Variants in ATP10B observed in about 807,000 individuals in gnomAD.
The protein encoded by ATP10B is ATPase phospholipid transporting 10B (putative).
A neutral mutation model predicts 141.2 loss-of-function variants in ATP10B; 122 were observed. The ratio of observed to expected loss-of-function variants is 0.86; its 90% CI spans 0.75 to 1.00. ATP10B has a LOEUF of 1.00. Ranked by LOEUF, ATP10B falls within the 50% of genes least tolerant of loss-of-function variation. The pLI, the probability that ATP10B is intolerant of heterozygous loss-of-function variation, is 0.00. For synonymous variants in ATP10B, 685 were observed against 692.0 expected, an observed-to-expected ratio of 0.99 and a Z score of 0.16; for missense variants, 1,876 against 1,825.3, an observed-to-expected ratio of 1.03 and a Z score of -0.51.
the ATP10B span, among the ~76,000 whole-genome samples, chr5:160,893,973 TAACA>T: frequency 6.6e-6 from 1 of 151,976 alleles, no homozygotes; most frequent in Admixed American, 6.5e-5. Context: ...GAAGGAAACC[TAACA>T]AACAGAAAGG....
intron 2 of ATP10B, among the ~76,000 whole-genome samples, chr5:160,781,512 G>C (rs1239031312): frequency 6.6e-6 from 1 of 152,116 alleles, no homozygotes; most frequent in African/African-American, 2.4e-5. Flanking sequence ...CACCCTTGCT[G>C]CTCTGGGAAG....
chr5:160,665,243 T>A (rs1184259056), intron 7 of ATP10B, among the ~76,000 whole-genome samples: 2 of 152,252 alleles, frequency 1.3e-5, no homozygotes, highest in African/African-American at 4.8e-5. Flanking sequence ...TGCAATGTCA[T>A]GGGAGAAAGA....
chr5:160,801,461 A>G (rs1772365129), intron 1 of ATP10B, among the ~76,000 whole-genome samples: 1 of 152,182 alleles, frequency 6.6e-6, no homozygotes. Context: ...AATGGCAATC[A>G]CATATTTATT....
intron 22 of ATP10B, among the ~76,000 whole-genome samples, chr5:160,594,392 T>A (rs1444978914): frequency 6.6e-6 from 1 of 152,084 alleles, no homozygotes; most frequent in Non-Finnish European, 1.5e-5. Flanking sequence ...AAGGAAGCAC[T>A]AAACATGGAA....
In ATP10B at chr5:160,852,053, A is replaced by G. The variant is rs367854780; in HGVS notation, c.-688T>C. On this transcript the variant is annotated 5_prime_UTR_variant, in exon 1 of 26. Coordinates refer to ENST00000327245, the MANE Select transcript of ATP10B (RefSeq NM_025153.3). ...CTAAAATAGTTCTCTTTCCTATGGA[A>G]TTTTTCATTTTTCTGATTATATCTG... The G allele has an allele frequency of 1.3e-5, 2 of 152,286 alleles. No homozygotes were observed. Among genetic ancestry groups the G allele is most frequent in the South Asian group, 4.1e-4 (2 of 4,824 alleles). 9.4% of individuals were successfully genotyped at this position (152,286 alleles called of 1,614,324 possible).
intron 24 of ATP10B, among the ~76,000 whole-genome samples, chr5:160,573,080 G>T (rs1182791616): frequency 6.6e-6 from 1 of 152,158 alleles, no homozygotes; most frequent in Non-Finnish European, 1.5e-5. Context: ...CTACTCCCAA[G>T]TTAGTAATGT....
chr5:160,641,471 C>T (rs1759861268), intron 9 of ATP10B, among the ~76,000 whole-genome samples: 1 of 152,214 alleles, frequency 6.6e-6, no homozygotes, highest in African/African-American at 2.4e-5. Context: ...AACTACCAAT[C>T]TCACCCAGTC....
chr5:160,787,707 G>C (rs906625604), intron 1 of ATP10B, among the ~76,000 whole-genome samples: 1 of 152,132 alleles, frequency 6.6e-6, no homozygotes, highest in African/African-American at 2.4e-5. Context: ...GGTGGAATCA[G>C]CTAGGCACTG....
the ATP10B span, among the ~76,000 whole-genome samples, chr5:160,869,443 A>T: frequency 6.5e-3 from 983 of 152,204 alleles, 16 homozygotes; most frequent in African/African-American, 0.023. Flanking sequence ...ACAAAAAAAA[A>T]ATAGTCCTAT....
At chr5:160,616,570 A>G (rs1482882155) in intron 16 of ATP10B, among the ~76,000 whole-genome samples, 6 of 152,240 alleles carry the variant, frequency 3.9e-5, no homozygotes, top group African/African-American at 7.2e-5. Context: ...GGTGTCATAC[A>G]CATGGAGTGC....
intron 7 of ATP10B, among the ~76,000 whole-genome samples, chr5:160,662,593 A>T (rs1762016481): frequency 6.6e-6 from 1 of 152,254 alleles, no homozygotes; most frequent in Admixed American, 6.5e-5. Context: ...GGCTAGCCAT[A>T]TGTAGAAAGC....
chr5:160,771,923 C>T (rs1345510314), intron 2 of ATP10B, among the ~76,000 whole-genome samples: 1 of 152,176 alleles, frequency 6.6e-6, no homozygotes, highest in Non-Finnish European at 1.5e-5. Flanking sequence ...ATTTAAGGTC[C>T]CAAAGCAGTT....
chr5:160,747,771 A>G (rs1187120274), intron 2 of ATP10B, among the ~76,000 whole-genome samples: 1 of 152,178 alleles, frequency 6.6e-6, no homozygotes, highest in Non-Finnish European at 1.5e-5. Context: ...TTTGTTACAG[A>G]GGCCCTAGGA....
intron 24 of ATP10B, among the ~76,000 whole-genome samples, chr5:160,573,509 G>T (rs1421948): frequency 0.014 from 2,070 of 152,304 alleles, 43 homozygotes; most frequent in African/African-American, 0.048. Context: ...TTAGGAACTG[G>T]GCTGCACAGC....
intron 2 of ATP10B, among the ~76,000 whole-genome samples, chr5:160,763,411 C>T (rs1045249463): frequency 6.6e-6 from 1 of 152,044 alleles, no homozygotes; most frequent in Non-Finnish European, 1.5e-5. Flanking sequence ...CAAGACGAAC[C>T]TTCAAAACTA....
intron 22 of ATP10B, among the ~76,000 whole-genome samples, chr5:160,593,327 G>C (rs1756454146): frequency 6.6e-6 from 1 of 152,238 alleles, no homozygotes; most frequent in African/African-American, 2.4e-5. Context: ...TGGACCTCTA[G>C]CAAACTCCAA....
intron 1 of ATP10B, among the ~76,000 whole-genome samples, chr5:160,813,675 A>G (rs528010654): frequency 2.6e-5 from 4 of 152,362 alleles, no homozygotes; most frequent in Non-Finnish European, 5.9e-5. Context: ...GAGAACGGAC[A>G]GACTGCCTCC....
intron 1 of ATP10B, among the ~76,000 whole-genome samples, chr5:160,794,163 C>T (rs942591938): frequency 6.6e-6 from 1 of 152,224 alleles, no homozygotes; most frequent in Non-Finnish European, 1.5e-5. Flanking sequence ...GTCCTAGGAA[C>T]TGTCCTCAGC....
intron 9 of ATP10B, among the ~76,000 whole-genome samples, chr5:160,640,946 C>T (rs1210095796): frequency 5.9e-5 from 9 of 152,158 alleles, no homozygotes; most frequent in Non-Finnish European, 1.3e-4. Context: ...AGTAAGCTGT[C>T]TTAAAGAAGG....
Sources: gnomAD v4.1 joint callset for allele counts (sites outside exome capture counted in the v4.1 genomes callset) on GRCh38, gnomAD v4.1.1 for gene constraint, MANE v1.5 for transcripts, NCBI Gene and HGNC (gene_info 2026-07-23, HGNC 2026-07-21) for gene names.